The following MBD5 variants were observed in gnomAD, a reference collection of about 807,000 sequenced individuals.
MBD5 encodes the protein methyl-CpG binding domain protein 5, also known as methyl-CpG-binding domain protein 5.
MBD5 carries 13 observed loss-of-function variants against 117.3 expected under a neutral mutation model. The ratio of observed to expected loss-of-function variants is 0.11; its 90% confidence interval spans 0.07 to 0.18. MBD5 has a LOEUF of 0.18. Among genes scored for constraint, MBD5 ranks in the 10% least tolerant of loss-of-function variants. The probability of loss-of-function intolerance (pLI) is 1.00; values close to 1 mark genes in which losing one functional copy is unlikely to be tolerated. For missense variants in MBD5, 1,879 were observed against 2,093.8 expected (o/e 0.90, Z 2.00); for synonymous variants, 727 against 766.4 (o/e 0.95, Z 0.85).
chr2:148,128,207 T>C (rs1450674885), intron 1 of MBD5, among the ~76,000 whole-genome samples: 3 of 152,234 alleles, frequency 2.0e-5, no homozygotes, highest in Non-Finnish European at 4.4e-5. Flanking sequence ...ATAGTTTCTT[T>C]TGCTGTGCAG....
chr2:148,329,594 A>G (rs1379476197), intron 3 of MBD5, among the ~76,000 whole-genome samples: 1 of 152,194 alleles, frequency 6.6e-6, no homozygotes, highest in Non-Finnish European at 1.5e-5. Context: ...GGGTTCAAAT[A>G]GGTTTATGGA....
chr2:148,510,501 C>A (rs1574507459), intron 13 of MBD5, among the ~76,000 whole-genome samples: 1 of 152,136 alleles, frequency 6.6e-6, no homozygotes, highest in Non-Finnish European at 1.5e-5. Flanking sequence ...TCCATTGAAC[C>A]AAAAAGACAG....
At chr2:148,304,982 G>A (rs896740208) in intron 3 of MBD5, among the ~76,000 whole-genome samples, 6 of 151,128 alleles carry the variant, frequency 4.0e-5, no homozygotes, top group South Asian at 2.1e-4. Flanking sequence ...GGAGAATGGC[G>A]TGAACCCGGG....
At position 148,485,908 on chromosome 2, in the gene MBD5, A is replaced by G. The variant is rs1196455589; in HGVS notation, c.3711A>G (p.Pro1237=). ...AFQGQSTIPC[P]ANNNPMACLF... is the part of the protein sequence containing the mutation. ...AAGGACAGTCCACAATTCCTTGCCC[A>G]GCTAACAATAACCCCATGGCTTGTC... Residue 1237 remains proline (P), a synonymous_variant, in exon 10 of 14, where the codon CCA becomes CCG. Coordinates refer to ENST00000642680, the MANE Select transcript of MBD5 (RefSeq NM_001378120.1). 1 of 1,614,150 alleles carries G rather than the reference A, an allele frequency of 6.2e-7. No homozygotes were observed.
intron 1 of MBD5, among the ~76,000 whole-genome samples, chr2:148,048,262 A>G (rs572939199): frequency 6.6e-6 from 1 of 152,310 alleles, no homozygotes; most frequent in South Asian, 2.1e-4. Context: ...GTAGGACTCG[A>G]GAAATGTTAA....
intron 4 of MBD5, among the ~76,000 whole-genome samples, chr2:148,359,985 A>G (rs1339409046): frequency 2.6e-5 from 4 of 152,158 alleles, no homozygotes; most frequent in Non-Finnish European, 5.9e-5. Flanking sequence ...AAAAACTTGG[A>G]AAAAGGGCAA....
rs1417890574 is a variant in MBD5 at position 148,469,195 on chromosome 2, A to C, written c.1252A>C (p.Asn418His). The change falls in exon 8 of 14, where the codon AAT (asparagine) becomes CAT (histidine). Residue 418 changes from asparagine (N) to histidine (H), a missense_variant. Asn to His is a moderately conservative substitution (Grantham distance 68). Coordinates refer to ENST00000642680, the MANE Select transcript of MBD5 (RefSeq NM_001378120.1). ...GCCAACTGTAAAACCTGGTCACATG[A>C]ATCATGGGAGTCATGTACAAAGAGT... ...PLPTVKPGHM[N>H]HGSHVQRVQH... The C allele has an allele frequency of 6.2e-7, 1 of 1,614,062 alleles. No homozygotes were observed. Among genetic ancestry groups the C allele is most frequent in the Admixed American group, 1.7e-5 (1 of 59,990 alleles).
At chr2:148,229,655 A>G (rs1699933738) in intron 2 of MBD5, among the ~76,000 whole-genome samples, 1 of 152,178 alleles carries the variant, frequency 6.6e-6, no homozygotes, top group South Asian at 2.1e-4. Flanking sequence ...CTTTCCAGAT[A>G]TTCAAAAGGA....
chr2:148,407,923 C>G (rs766445426), intron 4 of MBD5, among the ~76,000 whole-genome samples: 4 of 152,112 alleles, frequency 2.6e-5, no homozygotes, highest in Admixed American at 6.5e-5. Context: ...AACAACCAAT[C>G]AATAGCTGGT....
intron 1 of MBD5, among the ~76,000 whole-genome samples, chr2:148,101,874 A>G (rs1574014560): frequency 1.3e-5 from 2 of 152,270 alleles, no homozygotes; most frequent in South Asian, 4.1e-4. Flanking sequence ...TTTAATATCT[A>G]TGTCTGTGTG....
intron 4 of MBD5, among the ~76,000 whole-genome samples, chr2:148,383,214 C>T (rs1704215733): frequency 6.6e-6 from 1 of 151,484 alleles, no homozygotes; most frequent in Non-Finnish European, 1.5e-5. Context: ...GCTAGCAAGA[C>T]TAATAAAGAA....
At chr2:148,351,746 C>T (rs529869402) in intron 4 of MBD5, among the ~76,000 whole-genome samples, 1 of 152,058 alleles carries the variant, frequency 6.6e-6, no homozygotes, top group African/African-American at 2.4e-5. Flanking sequence ...CCCACACTTG[C>T]TGCCAATATG....
At chr2:148,330,038 C>CCGCCG (rs1702594072) in intron 3 of MBD5, among the ~76,000 whole-genome samples, 1 of 19,864 alleles carries the variant, frequency 5.0e-5, no homozygotes, top group African/African-American at 1.7e-4. Flanking sequence ...TAAGAACCCC[C>CCGCCG]CCCCGCCCCC....
chr2:148,030,570 G>A (rs1475449048), intron 1 of MBD5, among the ~76,000 whole-genome samples: 2 of 152,062 alleles, frequency 1.3e-5, no homozygotes, highest in East Asian at 3.9e-4. Flanking sequence ...TAGAACCTCA[G>A]TACATTAAGA....
intron 1 of MBD5, among the ~76,000 whole-genome samples, chr2:148,085,379 A>G (rs16828224): frequency 0.012 from 1,869 of 152,310 alleles, 45 homozygotes; most frequent in African/African-American, 0.043. Context: ...AGACTCTTGA[A>G]ACTTTTACAG....
intron 3 of MBD5, among the ~76,000 whole-genome samples, chr2:148,328,070 T>G (rs1348637041): frequency 1.3e-5 from 2 of 152,164 alleles, no homozygotes; most frequent in African/African-American, 4.8e-5. Flanking sequence ...GACAGGACCC[T>G]CAGCTGCAGG....
chr2:148,457,801 G>T (rs969767427), intron 4 of MBD5, among the ~76,000 whole-genome samples: 3 of 152,028 alleles, frequency 2.0e-5, no homozygotes, highest in African/African-American at 4.8e-5. Flanking sequence ...GAATCAAAGG[G>T]TTATATAATA....
intron 2 of MBD5, among the ~76,000 whole-genome samples, chr2:148,229,213 C>G (rs1488773450): frequency 6.7e-6 from 1 of 149,294 alleles, no homozygotes; most frequent in Non-Finnish European, 1.5e-5. Flanking sequence ...TGTGTATTTT[C>G]AAACAGCCTA....
chr2:148,120,002 A>G (rs1357973709), intron 1 of MBD5, among the ~76,000 whole-genome samples: 1 of 151,800 alleles, frequency 6.6e-6, no homozygotes, highest in Non-Finnish European at 1.5e-5. Flanking sequence ...CTGCAGCCTC[A>G]ATGTCCAGGG....
Sources: allele counts gnomAD v4.1 joint callset (sites outside exome capture counted in the v4.1 genomes callset), GRCh38; gene constraint gnomAD v4.1.1; transcripts MANE v1.5; gene names NCBI Gene and HGNC (gene_info 2026-07-23, HGNC 2026-07-21).